The following MACROD2 variants were observed in gnomAD, a reference collection of about 807,000 sequenced individuals.
MACROD2 encodes the protein mono-ADP ribosylhydrolase 2.
MACROD2 carries 36 observed loss-of-function variants against 70.4 expected under a neutral mutation model. The ratio of observed to expected loss-of-function variants is 0.51; its 90% CI spans 0.39 to 0.68. The LOEUF is 0.68. Among genes scored for constraint, MACROD2 ranks in the 30% least tolerant of loss-of-function variants. The pLI is 0.00. For missense variants in MACROD2, 496 were observed against 538.4 expected, an observed-to-expected ratio of 0.92 and a Z score of 0.78; for synonymous variants, 172 against 178.8, an observed-to-expected ratio of 0.96 and a Z score of 0.30.
chr20:14,199,880 C>A (rs2081464606), intron 3 of MACROD2, among the ~76,000 whole-genome samples: 1 of 151,988 alleles, frequency 6.6e-6, no homozygotes, highest in Non-Finnish European at 1.5e-5. Flanking sequence ...GATTCCAGTG[C>A]CAATACATGG....
chr20:14,884,289 CA>C (rs1274849209), intron 5 of MACROD2: 1 of 152,270 alleles, frequency 6.6e-6, no homozygotes, highest in Non-Finnish European at 1.5e-5. Flanking sequence ...ATTTGGTTCA[CA>C]AATCTGCAGT....
At chr20:15,143,974 A>AACC (rs2076212029) in intron 5 of MACROD2, among the ~76,000 whole-genome samples, 1 of 146,346 alleles carries the variant, frequency 6.8e-6, no homozygotes, top group African/African-American at 2.5e-5. Flanking sequence ...AAAAAAAAAA[A>AACC]ACCTCATAAT....
Position 15,296,164 on chromosome 20 carries a change from A to G in MACROD2, c.540+66103A>G, listed in dbSNP as rs183132469. Among the ~76,000 whole-genome samples, 11 of 152,294 alleles carry G rather than the reference A, an allele frequency of 7.2e-5. No individual in the cohort carries two copies. In the East Asian group the frequency reaches 2.1e-3, roughly 29 times the overall value. ...CCAGCCCCAGTTAGCCGCTACCCAC[A>G]ACAATAACTATTGATTAGGAAGTGC... On this transcript the variant is annotated intron_variant, in intron 6 of 17. Transcript: ENST00000684519.
intron 10 of MACROD2, among the ~76,000 whole-genome samples, chr20:15,915,149 A>G (rs2065295360): frequency 6.6e-6 from 1 of 152,028 alleles, no homozygotes; most frequent in South Asian, 2.1e-4. Context: ...GGCATGATTG[A>G]TGAAATCATT....
At chr20:15,112,038 T>A (rs2075959339) in intron 5 of MACROD2, among the ~76,000 whole-genome samples, 1 of 152,190 alleles carries the variant, frequency 6.6e-6, no homozygotes, top group Non-Finnish European at 1.5e-5. Flanking sequence ...TTTGACCCTA[T>A]TGAAACCTGA....
At chr20:14,701,053 A>G (rs2071190763) in intron 5 of MACROD2, among the ~76,000 whole-genome samples, 1 of 152,160 alleles carries the variant, frequency 6.6e-6, no homozygotes, top group African/African-American at 2.4e-5. Flanking sequence ...AGCTTAACAG[A>G]TGAGCAGAAA....
chr20:14,045,509 C>G (rs1270396713), intron 2 of MACROD2, among the ~76,000 whole-genome samples: 1 of 152,176 alleles, frequency 6.6e-6, no homozygotes, highest in Non-Finnish European at 1.5e-5. Flanking sequence ...TAAAAGCAAT[C>G]AAATAAATGT....
intron 5 of MACROD2, among the ~76,000 whole-genome samples, chr20:14,998,887 G>C (rs1169147602): frequency 1.3e-5 from 2 of 152,198 alleles, no homozygotes; most frequent in Non-Finnish European, 2.9e-5. Flanking sequence ...AGCAGCAGGA[G>C]AAAAGAAACA....
intron 10 of MACROD2, among the ~76,000 whole-genome samples, chr20:15,914,565 A>G (rs2065284606): frequency 6.6e-6 from 1 of 152,220 alleles, no homozygotes; most frequent in Non-Finnish European, 1.5e-5. Context: ...GAAAGCATTT[A>G]CCATAATGCG....
rs1413774393 is a variant in MACROD2 at position 16,051,793 on chromosome 20, G to T, written c.*1917G>T. 1 of 152,070 alleles carries T rather than the reference G, an allele frequency of 6.6e-6. No homozygotes were observed. Among genetic ancestry groups the T allele is most frequent in the Non-Finnish European group, 1.5e-5 (1 of 68,006 alleles). The allele number at this position is 152,070 out of a possible 1,614,324, so 9.4% of individuals were successfully genotyped here. On this transcript the variant is annotated 3_prime_UTR_variant, in exon 18 of 18. Transcript: ENST00000684519. ...AATCTGCTAGAAGCTCGTTTTTCTT[G>T]TGACTCCCAAATGTTAGTGCTACTT...
Position 15,898,086 on chromosome 20 carries a change from A to G in MACROD2, c.775+12275A>G, listed in dbSNP as rs73614486. On this transcript the variant is annotated intron_variant, in intron 10 of 17. Coordinates refer to ENST00000684519, the MANE Select transcript of MACROD2 (RefSeq NM_001351661.2). ...TGTTAGTCCATGTATAAGATGAGGA[A>G]ATCTCAACAGAGACCTTTTTTTCCC... is the stretch of plus-strand genomic sequence containing the variant. Among the ~76,000 whole-genome samples the G allele has an allele frequency of 3.9e-3, 590 of 152,318 alleles. 2 individuals carry two copies. Among genetic ancestry groups the G allele is most frequent in the South Asian group, 0.023 (113 of 4,822 alleles).
chr20:14,191,176 T>C (rs1274241950), intron 3 of MACROD2, among the ~76,000 whole-genome samples: 1 of 152,158 alleles, frequency 6.6e-6, no homozygotes, highest in African/African-American at 2.4e-5. Flanking sequence ...ATACCTTTAC[T>C]TGTGTTCTTC....
chr20:15,754,218 A>G (rs1428929626), intron 8 of MACROD2, among the ~76,000 whole-genome samples: 1 of 152,210 alleles, frequency 6.6e-6, no homozygotes, highest in African/African-American at 2.4e-5. Flanking sequence ...ATGACTCCCA[A>G]CTAAAGTTTG....
intron 6 of MACROD2, among the ~76,000 whole-genome samples, chr20:15,339,819 A>G (rs918047532): frequency 3.3e-5 from 5 of 151,726 alleles, no homozygotes; most frequent in African/African-American, 9.8e-5. Context: ...GTATGGCTAC[A>G]TATCATTTGG....
intron 3 of MACROD2, among the ~76,000 whole-genome samples, chr20:14,253,650 A>G (rs2082029791): frequency 6.6e-6 from 1 of 152,126 alleles, no homozygotes; most frequent in African/African-American, 2.4e-5. Flanking sequence ...GAAATCAAGT[A>G]CAATGCTTTT....
intron 8 of MACROD2, among the ~76,000 whole-genome samples, chr20:15,695,560 G>A (rs1446127881): frequency 6.6e-6 from 1 of 151,900 alleles, no homozygotes; most frequent in African/African-American, 2.4e-5. Context: ...ACAGGCATGT[G>A]CTACCACACT....
chr20:15,934,104 A>G (rs1457114431), intron 11 of MACROD2, among the ~76,000 whole-genome samples: 3 of 152,194 alleles, frequency 2.0e-5, no homozygotes, highest in Non-Finnish European at 2.9e-5. Flanking sequence ...CAGCAAAAAA[A>G]TAAAAATAAA....
intron 4 of MACROD2, among the ~76,000 whole-genome samples, chr20:14,570,401 T>C (rs897322538): frequency 6.6e-6 from 1 of 151,998 alleles, no homozygotes; most frequent in African/African-American, 2.4e-5. Flanking sequence ...GGTGGTCTGT[T>C]TCTTGATCTA....
intron 5 of MACROD2, among the ~76,000 whole-genome samples, chr20:14,875,455 C>G (rs144653604): frequency 5.5e-4 from 84 of 152,190 alleles, no homozygotes; most frequent in African/African-American, 1.9e-3. Flanking sequence ...CAAAGTTCCT[C>G]TTACTGGAAA....
Sources: gnomAD v4.1 joint callset for allele counts (sites outside exome capture counted in the v4.1 genomes callset) on GRCh38, gnomAD v4.1.1 for gene constraint, MANE v1.5 for transcripts, NCBI Gene and HGNC (gene_info 2026-07-23, HGNC 2026-07-21) for gene names.